Variants in JADE3 observed in about 807,000 individuals in gnomAD.
The protein encoded by JADE3 is protein Jade-3.
In JADE3, 2 loss-of-function variants were observed where a neutral mutation model predicts 50.1. That is an observed-to-expected ratio of 0.04 (90% CI 0.02 to 0.13). JADE3 has a LOEUF of 0.13. Among genes scored for constraint, JADE3 ranks in the 10% least tolerant of loss-of-function variants. The pLI is 1.00. For synonymous variants in JADE3, 218 were observed against 232.9 expected (o/e 0.94, Z 0.58); for missense variants, 475 against 634.4 (o/e 0.75, Z 2.70).
intron 1 of JADE3, among the ~76,000 whole-genome samples, chrX:46,960,134 C>A (rs182147338): frequency 1.8e-5 from 2 of 110,705 alleles, no homozygotes; most frequent in Non-Finnish European, 3.8e-5. Flanking sequence ...TATTCCTGTT[C>A]CCTTAGTCCC....
At chrX:46,976,948 T>C (rs1164080596) in intron 1 of JADE3, among the ~76,000 whole-genome samples, 1 of 112,038 alleles carries the variant, frequency 8.9e-6, no homozygotes, top group Admixed American at 9.5e-5. Context: ...GCCCCTGGGC[T>C]GCTGTGACTT....
At chrX:46,993,739 CT>C (rs1335225763) in intron 3 of JADE3, among the ~76,000 whole-genome samples, 2 of 111,479 alleles carry the variant, frequency 1.8e-5, no homozygotes, top group Non-Finnish European at 3.8e-5. Flanking sequence ...ATTACATAAG[CT>C]TTTTGATTCA....
chrX:47,033,503 C>T (rs782407532), intron 6 of JADE3, 118 bp from the exon 7 acceptor site: 48 of 555,618 alleles, frequency 8.6e-5, no homozygotes, highest in Non-Finnish European at 9.9e-5. Flanking sequence ...TAAGCTTGTT[C>T]GGCTTTATTT....
At chrX:46,987,421 A>G (rs1327629348) in intron 3 of JADE3, among the ~76,000 whole-genome samples, 1 of 112,007 alleles carries the variant, frequency 8.9e-6, no homozygotes, top group Non-Finnish European at 1.9e-5. Context: ...CATGTTTGCC[A>G]TATTCTGTTG....
intron 4 of JADE3, among the ~76,000 whole-genome samples, chrX:46,999,367 T>G (rs1034376344): frequency 2.2e-5 from 2 of 91,223 alleles, no homozygotes; most frequent in Non-Finnish European, 4.2e-5. Flanking sequence ...TGGTGACACA[T>G]TCAAACTATA....
chrX:46,932,743 A>G (rs1926524086), intron 1 of JADE3, among the ~76,000 whole-genome samples: 1 of 111,739 alleles, frequency 8.9e-6, no homozygotes, highest in South Asian at 3.8e-4. Flanking sequence ...CTTCACAGGA[A>G]TAATTTTGGA....
intron 1 of JADE3, among the ~76,000 whole-genome samples, chrX:46,977,622 A>G (rs1927655031): frequency 8.9e-6 from 1 of 112,251 alleles, no homozygotes. Context: ...TAAAATTACC[A>G]CTTAATAAGG....
chrX:47,003,882 T>A (rs1475138461), intron 4 of JADE3, among the ~76,000 whole-genome samples: 2 of 102,171 alleles, frequency 2.0e-5, no homozygotes, highest in African/African-American at 7.0e-5. Flanking sequence ...ATTTATATTT[T>A]TATATATAAA....
At chrX:46,962,447 C>T (rs1408776343) in intron 1 of JADE3, among the ~76,000 whole-genome samples, 1 of 111,525 alleles carries the variant, frequency 9.0e-6, no homozygotes, top group Non-Finnish European at 1.9e-5. Flanking sequence ...AGAGGGTGCT[C>T]AGATCTGATC....
chrX:47,017,107 TG>T (rs1376917361), intron 4 of JADE3, among the ~76,000 whole-genome samples: 15 of 111,833 alleles, frequency 1.3e-4, no homozygotes, highest in East Asian at 5.6e-4. Context: ...ATCTTTGTTC[TG>T]GCTTTCAGAT....
intron 9 of JADE3, among the ~76,000 whole-genome samples, 156 bp downstream of exon 9, chrX:47,054,784 C>T (rs1403248390): frequency 9.0e-6 from 1 of 111,538 alleles, no homozygotes; most frequent in African/African-American, 3.3e-5. Flanking sequence ...ACATTGGGCT[C>T]TGTGTAAATT....
At chrX:46,997,344 A>G (rs1928153468) in intron 3 of JADE3, among the ~76,000 whole-genome samples, 1 of 110,251 alleles carries the variant, frequency 9.1e-6, no homozygotes, top group Admixed American at 9.7e-5. Flanking sequence ...CTCTACAAAA[A>G]TTACAAAAAA....
intron 4 of JADE3, among the ~76,000 whole-genome samples, chrX:47,001,506 G>A (rs1602403078): frequency 9.0e-6 from 1 of 111,674 alleles, no homozygotes; most frequent in Non-Finnish European, 1.9e-5. Flanking sequence ...CATATTGGAG[G>A]CTCAACCTAT....
intron 1 of JADE3, among the ~76,000 whole-genome samples, chrX:46,950,101 G>A (rs1403965748): frequency 8.9e-6 from 1 of 112,186 alleles, no homozygotes; most frequent in Non-Finnish European, 1.9e-5. Context: ...TTTACATACT[G>A]TATAGTTTCA....
At chrX:47,010,004 C>CGAGA in intron 4 of JADE3, among the ~76,000 whole-genome samples, 1 of 109,381 alleles carries the variant, frequency 9.1e-6, no homozygotes, top group South Asian at 3.8e-4. Context: ...TTCACTTTCT[C>CGAGA]AAGTGCTTGA....
chrX:47,053,961 T>G (rs1457928871), intron 8 of JADE3, among the ~76,000 whole-genome samples, 197 bp from the exon 9 acceptor site: 1 of 111,667 alleles, frequency 9.0e-6, no homozygotes, highest in East Asian at 2.8e-4. Flanking sequence ...TGAATTATTT[T>G]TGGCCTCTGT....
intron 3 of JADE3, among the ~76,000 whole-genome samples, chrX:46,995,389 T>C (rs1928105136): frequency 9.0e-6 from 1 of 111,611 alleles, no homozygotes; most frequent in African/African-American, 3.3e-5. Flanking sequence ...TAAAACAAAA[T>C]ATATTGAGAG....
intron 3 of JADE3, among the ~76,000 whole-genome samples, chrX:46,988,863 G>A (rs970853143): frequency 1.5e-4 from 17 of 111,936 alleles, no homozygotes; most frequent in Non-Finnish European, 3.0e-4. Context: ...ATTTTGAGAC[G>A]GAGTCTCGCT....
At position 46,985,752 on chromosome X, in the gene JADE3, T is replaced by A; in HGVS notation, c.86T>A (p.Ile29Asn). The change falls in exon 3 of 11, where the codon ATC becomes AAC. Residue 29 changes from isoleucine (I) to asparagine (N), a missense_variant. By Grantham distance (149) the Ile-to-Asn change is moderately radical. Coordinates refer to ENST00000614628, the MANE Select transcript of JADE3 (RefSeq NM_014735.5). ...TSFTSGSMYR[I>N]KSKIPNEHKK... Reference sequence around the variant, plus strand: ...TTTACTTCTGGCTCAATGTATAGGATCAAGTCAAAAATTCCAAATGAACAC... The same window carrying A: ...TTTACTTCTGGCTCAATGTATAGGAACAAGTCAAAAATTCCAAATGAACAC... The A allele has an allele frequency of 8.3e-7, 1 of 1,204,519 alleles. No homozygotes were observed. The highest frequency in any genetic ancestry group is 1.1e-6 in the Non-Finnish European group (1 of 889,075).
Sources: allele counts gnomAD v4.1 joint callset (sites outside exome capture counted in the v4.1 genomes callset), GRCh38; gene constraint gnomAD v4.1.1; transcripts MANE v1.5; gene names NCBI Gene and HGNC (gene_info 2026-07-23, HGNC 2026-07-21).